The following ADCY7 variants were observed in gnomAD, a reference collection of about 807,000 sequenced individuals.
ADCY7 encodes the protein adenylate cyclase 7, also known as adenylate cyclase type 7.
ADCY7 carries 72 observed loss-of-function variants against 120.6 expected under a neutral mutation model. The observed-to-expected ratio is 0.60, with a 90% confidence interval of 0.49 to 0.73. The LOEUF is 0.73. ADCY7 is among the 30% of genes least tolerant of loss of function. ADCY7 has a pLI of 0.00. For missense variants in ADCY7, 1,227 were observed against 1,486.0 expected, an observed-to-expected ratio of 0.83 and a Z score of 2.87; for synonymous variants, 661 against 628.0, an observed-to-expected ratio of 1.05 and a Z score of -0.78.
At chr16:50,264,100 C>G (rs980702119), upstream of ADCY7, among the ~76,000 whole-genome samples, 1 of 152,168 alleles carries the variant, frequency 6.6e-6, no homozygotes, top group African/African-American at 2.4e-5. Context: ...CCTCCTCAGC[C>G]CCCAGAAGTT....
At chr16:50,258,289 GAT>G in intron 1 of ADCY7, among the ~76,000 whole-genome samples, 1 of 152,104 alleles carries the variant, frequency 6.6e-6, no homozygotes. Context: ...ATGAGACTGT[GAT>G]ATGTTTCTTC....
intron 1 of ADCY7, among the ~76,000 whole-genome samples, chr16:50,272,612 C>CCA (rs1250763019): frequency 6.6e-6 from 1 of 152,204 alleles, no homozygotes; most frequent in East Asian, 1.9e-4. Flanking sequence ...CAAGCACATC[C>CCA]CTTGGCCTCA....
At chr16:50,304,610 AGT>A (rs925632635) in intron 11 of ADCY7, 59 bp downstream of exon 11, 100 of 1,470,182 alleles carry the variant, frequency 6.8e-5, no homozygotes, top group Non-Finnish European at 9.1e-5. Context: ...GGAGCAGGAG[AGT>A]GAGTGCTGAA....
chr16:50,288,420 C>T, intron 2 of ADCY7, 70 bp downstream of exon 2: 1 of 1,389,566 alleles, frequency 7.2e-7, no homozygotes, highest in Non-Finnish European at 9.6e-7. Context: ...CTTCTCTTAG[C>T]CTCTTCTGTA....
At chr16:50,266,917 C>A (rs2033251305) in intron 1 of ADCY7, among the ~76,000 whole-genome samples, 1 of 152,116 alleles carries the variant, frequency 6.6e-6, no homozygotes, top group Non-Finnish European at 1.5e-5. Context: ...CCCAGCCTGA[C>A]AAGAAAGTGC....
intron 1 of ADCY7, among the ~76,000 whole-genome samples, chr16:50,278,149 C>T (rs752070204): frequency 2.6e-5 from 4 of 152,036 alleles, no homozygotes; most frequent in African/African-American, 4.8e-5. Flanking sequence ...AAGCGATTCT[C>T]GTGCCCCAGC....
chr16:50,298,301 C>T (rs2035488956), intron 7 of ADCY7, among the ~76,000 whole-genome samples: 1 of 152,138 alleles, frequency 6.6e-6, no homozygotes, highest in Non-Finnish European at 1.5e-5. Context: ...CCCCAGGGCT[C>T]CTGTGAGTCC....
chr16:50,314,953 C>T, intron 24 of ADCY7, 61 bp from the exon 25 acceptor site: 1 of 1,601,410 alleles, frequency 6.2e-7, no homozygotes, highest in South Asian at 1.1e-5. Flanking sequence ...CTGGCCTCCT[C>T]TAAGGGCAGA....
chr16:50,284,286 T>A (rs1049424500), intron 1 of ADCY7, among the ~76,000 whole-genome samples: 2 of 152,206 alleles, frequency 1.3e-5, no homozygotes, highest in African/African-American at 4.8e-5. Context: ...GCTGAAGTCC[T>A]TGTGCCCATG....
At chr16:50,255,473 T>A (rs2032893788) in intron 1 of ADCY7, among the ~76,000 whole-genome samples, 1 of 144,446 alleles carries the variant, frequency 6.9e-6, no homozygotes, top group African/African-American at 2.6e-5. Context: ...AACCCATGAA[T>A]ATATTTACAG....
chr16:50,294,724 CT>C lies in ADCY7; in HGVS notation c.924del (p.Phe308LeufsTer41), dbSNP rs1363362048. Reference protein sequence around the residue: ...KELVVVLNELFGKFDQIAKAN... With the variant: ...KELVVVLNELXGKFDQIAKAN... ...AGCTGGTGGTGGTGCTGAATGAGCTCTTTGGCAAGTTCGACCAGATCGCCAA... is the reference window on the plus strand; with the variant it reads ...AGCTGGTGGTGGTGCTGAATGAGCTCTTGGCAAGTTCGACCAGATCGCCAA... On this transcript the variant is annotated frameshift_variant, in exon 7 of 26. Transcript: ENST00000673801. LOFTEE classifies it high-confidence loss of function. 3 of 1,613,270 alleles carry C rather than the reference CT, an allele frequency of 1.9e-6. No homozygotes were observed. Among genetic ancestry groups the C allele is most frequent in the Non-Finnish European group, 2.5e-6 (3 of 1,179,506 alleles).
intron 2 of ADCY7, chr16:50,289,398 A>G: frequency 2.5e-6 from 1 of 403,686 alleles, no homozygotes; most frequent in South Asian, 1.8e-5. Flanking sequence ...CGGCCCAGGC[A>G]CTTGCCTTGG....
intron 1 of ADCY7, among the ~76,000 whole-genome samples, chr16:50,278,150 G>A (rs556697048): frequency 1.4e-4 from 21 of 150,626 alleles, no homozygotes; most frequent in African/African-American, 4.9e-4. Context: ...AGCGATTCTC[G>A]TGCCCCAGCC....
Position 50,309,657 on chromosome 16 carries a change from C to CG in ADCY7, c.2160+14dup. On this transcript the variant is annotated intron_variant, in intron 18 of 25. Coordinates refer to ENST00000673801, the MANE Select transcript of ADCY7 (RefSeq NM_001114.5). The stretch of plus-strand genomic sequence containing the variant: ...TGTGAGCCCCTCCCGGTGAGTGCGC[C>CG]GGGCCCGGCTCCGTGGCCTCATTCA... 1 of 1,605,736 alleles carries CG rather than the reference C, an allele frequency of 6.2e-7. No homozygotes were observed.
chr16:50,274,616 C>T (rs371546704), intron 1 of ADCY7, among the ~76,000 whole-genome samples: 5 of 152,250 alleles, frequency 3.3e-5, no homozygotes, highest in African/African-American at 9.6e-5. Flanking sequence ...TGGGGCTGGG[C>T]ACTTTGCGAG....
Position 50,315,451 on chromosome 16 carries a change from GACTT to G in ADCY7, c.3194_3197del (p.Tyr1065LeufsTer14), listed in dbSNP as rs749158229. On this transcript the variant is annotated frameshift_variant, in exon 26 of 26. Transcript: ENST00000673801. LOFTEE classifies it high-confidence loss of function. ...ACGTCAAAGGCAAAGGCGAGCTGAG[GACTT>G]ACTTTGTCTGTACGGACACTGCCAA... 3 of 1,614,174 alleles carry G rather than the reference GACTT, an allele frequency of 1.9e-6. No individual in the cohort carries two copies. The highest frequency in any genetic ancestry group is 2.2e-5 in the East Asian group (1 of 44,874).
At chr16:50,313,813 C>T (rs935076217) in intron 22 of ADCY7, 145 bp from the exon 23 acceptor site, 21 of 646,742 alleles carry the variant, frequency 3.2e-5, no homozygotes, top group Non-Finnish European at 4.1e-5. Flanking sequence ...CTTAGTCATG[C>T]GCTCAGCTGG....
At position 50,290,542 on chromosome 16, in the gene ADCY7, A is replaced by T. The variant is rs2150958711; in HGVS notation, c.257A>T (p.Glu86Val). 6.2e-7 allele frequency: 1 copy of T among 1,614,140 alleles called. No homozygotes were observed. Among genetic ancestry groups the T allele is most frequent in the Non-Finnish European group, 8.5e-7 (1 of 1,180,030 alleles). Residue 86 changes from glutamate (E) to valine (V), a missense_variant, in exon 3 of 26, where the codon GAG becomes GTG. Physicochemically the swap from Glu to Val is moderately radical, Grantham distance 121. Around this residue, in one of 5 missense-constraint regions of ADCY7, gnomAD observed 382 missense variants for 411.4 expected, o/e 0.93. Coordinates refer to ENST00000673801, the MANE Select transcript of ADCY7 (RefSeq NM_001114.5). The part of the protein sequence containing the change: ...FAALSVLMYV[E>V]CLLRRWLRAL... ...GCCCTCTCTGTGCTGATGTACGTCG[A>T]GTGTCTCCTGCGGCGCTGGCTCAGG...
Position 50,315,701 on chromosome 16 carries a change from T to C in ADCY7, c.*196T>C. 1 of 628,400 alleles carries C rather than the reference T, an allele frequency of 1.6e-6. No individual in the cohort carries two copies. The highest frequency in any genetic ancestry group is 2.6e-6 in the Non-Finnish European group (1 of 378,604). 38.9% of individuals were successfully genotyped at this position (628,400 alleles called of 1,614,324 possible). On this transcript the variant is annotated 3_prime_UTR_variant, in exon 26 of 26. Coordinates refer to ENST00000673801, the MANE Select transcript of ADCY7 (RefSeq NM_001114.5). ...GCTCGAAGCAGCCACTGAGCCATAA[T>C]GCGCAGGGGAGGCCAGAAGCTCTGT...
Sources: gnomAD v4.1 joint callset for allele counts (sites outside exome capture counted in the v4.1 genomes callset) on GRCh38, gnomAD v4.1.1 for gene constraint, gnomAD v4.1.1 regional missense constraint, MANE v1.5 for transcripts, NCBI Gene and HGNC (gene_info 2026-07-23, HGNC 2026-07-21) for gene names.